The following FRY variants were observed in gnomAD, a reference collection of about 807,000 sequenced individuals.
The protein encoded by FRY is FRY microtubule binding protein, also known as protein furry homolog.
In FRY, 128 loss-of-function variants were observed where a neutral mutation model predicts 348.4. The ratio of observed to expected loss-of-function variants is 0.37; its 90% CI spans 0.32 to 0.43. FRY has a LOEUF of 0.43. Ranked by LOEUF, FRY falls within the 20% of genes least tolerant of loss-of-function variation. The pLI is 1.00. For missense variants in FRY, 2,736 were observed against 3,695.2 expected (o/e 0.74, Z 6.73); for synonymous variants, 1,370 against 1,374.7 (o/e 1.00, Z 0.08).
In FRY at chr13:32,239,064, G is replaced by C. The variant is rs770830287; in HGVS notation, c.6419-188G>C. ...CTTAAAATCGCAGATCTACTTTACT[G>C]TCTTCTTTGTAACTGGTGCAATTGT... is the stretch of plus-strand genomic sequence containing the variant. On this transcript the variant is annotated intron_variant, in intron 44 of 60. Coordinates refer to ENST00000542859, the MANE Select transcript of FRY (RefSeq NM_023037.3). The surrounding 1 kb of genome is among the most constrained non-coding windows in gnomAD (Gnocchi z 4.3). Among the ~76,000 whole-genome samples, 1 of 152,146 alleles carries C rather than the reference G, an allele frequency of 6.6e-6. No homozygotes were observed. The highest frequency in any genetic ancestry group is 1.5e-5 in the Non-Finnish European group (1 of 68,028).
At chr13:32,138,374 G>C (rs1424780534) in intron 11 of FRY, among the ~76,000 whole-genome samples, 8 of 151,896 alleles carry the variant, frequency 5.3e-5, no homozygotes, top group Non-Finnish European at 1.0e-4. Context: ...GTTTTTGCTT[G>C]GAATTAAAAT....
chr13:32,275,038 A>G (rs761000800), intron 56 of FRY, 47 bp downstream of exon 56: 1 of 1,510,700 alleles, frequency 6.6e-7, no homozygotes, highest in South Asian at 1.1e-5. Context: ...TACGCAACCT[A>G]CAGTGCAGAA....
At chr13:32,097,768 G>GT (rs1491222969) in intron 2 of FRY, among the ~76,000 whole-genome samples, 9 of 151,378 alleles carry the variant, frequency 5.9e-5, no homozygotes, top group Non-Finnish European at 1.0e-4. Context: ...TATGTTTGGA[G>GT]TGTGTGTGTG....
At chr13:32,230,557 A>G (rs1348287487) in intron 40 of FRY, among the ~76,000 whole-genome samples, 3 of 152,190 alleles carry the variant, frequency 2.0e-5, no homozygotes, top group Non-Finnish European at 2.9e-5. Context: ...CCAGTCTGTC[A>G]CTGATGGGCA....
At chr13:32,250,444 C>T (rs1032687446) in intron 49 of FRY, among the ~76,000 whole-genome samples, 4 of 152,150 alleles carry the variant, frequency 2.6e-5, no homozygotes, top group Non-Finnish European at 5.9e-5. Flanking sequence ...ACATCTTGGC[C>T]CTTGTTTTCC....
intron 22 of FRY, 77 bp downstream of exon 22, chr13:32,179,110 T>C: frequency 9.2e-7 from 1 of 1,088,938 alleles, no homozygotes; most frequent in South Asian, 1.3e-5. Flanking sequence ...ACAGTGCAAA[T>C]TGCACTGTGC....
intron 31 of FRY, among the ~76,000 whole-genome samples, chr13:32,204,558 C>G (rs912035893): frequency 3.3e-5 from 5 of 152,202 alleles, no homozygotes; most frequent in African/African-American, 9.6e-5. Flanking sequence ...CATTCCAGGT[C>G]CTCTTGTAAA....
intron 5 of FRY, 86 bp from the exon 6 acceptor site, chr13:32,124,512 TATTG>T: frequency 1.1e-6 from 1 of 876,036 alleles, no homozygotes; most frequent in Non-Finnish European, 1.9e-6. Context: ...TATTGATTGC[TATTG>T]ATTGTCATAT....
At chr13:32,123,820 T>TTTGTTGTTGTTG (rs34241410) in intron 4 of FRY, among the ~76,000 whole-genome samples, 159 of 151,750 alleles carry the variant, frequency 1.0e-3, no homozygotes, top group African/African-American at 3.7e-3. Context: ...ATTAGCATGT[T>TTTGTTGTTGTTG]TTGTTGTTGT....
intron 54 of FRY, among the ~76,000 whole-genome samples, chr13:32,266,676 G>A (rs987100265): frequency 2.6e-5 from 4 of 152,102 alleles, no homozygotes; most frequent in Non-Finnish European, 4.4e-5. Flanking sequence ...CTCTTTCCTC[G>A]AATCGTGAAA....
chr13:32,124,573 CTGAGT>C, intron 5 of FRY, 24 bp from the exon 6 acceptor site: 1 of 1,316,280 alleles, frequency 7.6e-7, no homozygotes, highest in Non-Finnish European at 1.1e-6. Flanking sequence ...ATATTCCCTT[CTGAGT>C]TAAGAACCAC....
chr13:32,156,601 CAAA>C (rs60522324), intron 15 of FRY, among the ~76,000 whole-genome samples: 32,789 of 111,542 alleles, frequency 0.29, 3,385 homozygotes, highest in East Asian at 0.48. Context: ...AGCTCCATCT[CAAA>C]AAAAAAAAAA....
At chr13:32,094,672 T>C (rs907793943) in intron 2 of FRY, among the ~76,000 whole-genome samples, 3 of 152,224 alleles carry the variant, frequency 2.0e-5, no homozygotes, top group African/African-American at 7.2e-5. Context: ...ATCCATGTTG[T>C]TGCAAATGAC....
intron 10 of FRY, among the ~76,000 whole-genome samples, chr13:32,135,688 GA>G (rs987602192): frequency 3.9e-5 from 6 of 152,204 alleles, no homozygotes; most frequent in African/African-American, 1.4e-4. Context: ...GAGCAGTATA[GA>G]AAATCTTTTA....
intron 1 of FRY, among the ~76,000 whole-genome samples, chr13:32,078,347 A>G (rs937996290): frequency 6.6e-6 from 1 of 152,214 alleles, no homozygotes; most frequent in African/African-American, 2.4e-5. Context: ...CTTGGCTTCT[A>G]AAAATTGATT....
At position 32,289,711 on chromosome 13, in the gene FRY, G is replaced by C. The variant is rs372634036; in HGVS notation, c.8548G>C (p.Gly2850Arg). The C allele has an allele frequency of 1.9e-6, 3 of 1,611,354 alleles. No individual in the cohort carries two copies. In the African/African-American group the frequency reaches 4.0e-5, roughly 22 times the overall value. ...LLFQSYCKLI[G>R]QVHEVSSMPE... is the part of the protein sequence containing the mutation. ...TTTTCAGTCCTACTGTAAGCTCATCGGCCAGGTGCACGAAGTTAGCTCCAT... is the reference window on the plus strand; with the variant it reads ...TTTTCAGTCCTACTGTAAGCTCATCCGCCAGGTGCACGAAGTTAGCTCCAT... Residue 2850 changes from glycine (G) to arginine (R), a missense_variant, in exon 59 of 61, where the codon GGC becomes CGC. By Grantham distance (125) the Gly-to-Arg change is moderately radical. Transcript: ENST00000542859.
chr13:32,226,032 C>A, intron 39 of FRY, 58 bp downstream of exon 39: 1 of 1,496,136 alleles, frequency 6.7e-7, no homozygotes, highest in Non-Finnish European at 9.3e-7. Flanking sequence ...AGATAACTAA[C>A]TGCGGGTGCC....
Position 32,183,021 on chromosome 13 carries a change from AAAG to A in FRY, c.3046_3048del (p.Arg1016del). ...CATCCATTAATGAAAGAAGCTCTGG[AAAG>A]AAGACCAGAGGTAAGAATTTGAATT... On this transcript the variant is annotated inframe_deletion, in exon 24 of 61. Transcript: ENST00000542859. 6.3e-7 allele frequency: 1 copy of A among 1,596,508 alleles called. No homozygotes were observed. The highest frequency in any genetic ancestry group is 8.6e-7 in the Non-Finnish European group (1 of 1,164,640).
intron 24 of FRY, among the ~76,000 whole-genome samples, chr13:32,184,054 C>T (rs1160693964): frequency 6.6e-6 from 1 of 151,914 alleles, no homozygotes; most frequent in African/African-American, 2.4e-5. Flanking sequence ...TGGTGCACGC[C>T]TGTAGTCCCA....
Sources: gnomAD v4.1 joint callset for allele counts (sites outside exome capture counted in the v4.1 genomes callset) on GRCh38, gnomAD v4.1.1 for gene constraint, Gnocchi (gnomAD v3.1) non-coding constraint, MANE v1.5 for transcripts, NCBI Gene and HGNC (gene_info 2026-07-23, HGNC 2026-07-21) for gene names.